The following STK35 variants were observed in gnomAD, a reference collection of about 807,000 sequenced individuals.
STK35 encodes the protein serine/threonine-protein kinase 35.
In STK35, 17 loss-of-function variants were observed where a neutral mutation model predicts 37.3. That is an observed-to-expected ratio of 0.46 (90% CI 0.31 to 0.68). The LOEUF (loss-of-function observed/expected upper bound fraction) is 0.68. Among genes scored for constraint, STK35 ranks in the 30% least tolerant of loss-of-function variants. The pLI is 0.05. For synonymous variants in STK35, 385 were observed against 319.1 expected (o/e 1.21, Z -2.20); for missense variants, 595 against 746.7 (o/e 0.80, Z 2.37).
At chr20:2,105,540 C>T (rs1985498333) in intron 2 of STK35, among the ~76,000 whole-genome samples, 1 of 152,208 alleles carries the variant, frequency 6.6e-6, no homozygotes, top group Non-Finnish European at 1.5e-5. Flanking sequence ...CCCTCTGGCT[C>T]ATCCCAGGAC....
At chr20:2,116,440 G>A (rs1192754928) in intron 2 of STK35, among the ~76,000 whole-genome samples, 1 of 152,178 alleles carries the variant, frequency 6.6e-6, no homozygotes, top group Non-Finnish European at 1.5e-5. Context: ...CCAGACGGCA[G>A]TAAACCCGAG....
chr20:2,119,960 A>C (rs763912197), intron 3 of STK35, among the ~76,000 whole-genome samples: 21 of 152,220 alleles, frequency 1.4e-4, no homozygotes, highest in Non-Finnish European at 2.6e-4. Context: ...CGTGTGTTCC[A>C]GGTGCTGGAC....
At chr20:2,112,835 T>G (rs1045094395) in intron 2 of STK35, among the ~76,000 whole-genome samples, 1 of 152,250 alleles carries the variant, frequency 6.6e-6, no homozygotes, top group Admixed American at 6.5e-5. Context: ...CTTATACAAC[T>G]GTCAGATTAT....
chr20:2,109,451 CT>C (rs1202765603), intron 2 of STK35, among the ~76,000 whole-genome samples: 2 of 152,220 alleles, frequency 1.3e-5, no homozygotes, highest in East Asian at 3.8e-4. Context: ...TTTCATACTC[CT>C]TTTCTCATTT....
At position 2,145,069 on chromosome 20, in the gene STK35, G is replaced by C. The variant is rs1256574965; in HGVS notation, c.*1323G>C. 1 of 152,462 alleles carries C rather than the reference G, an allele frequency of 6.6e-6. No individual in the cohort carries two copies. The highest frequency in any genetic ancestry group is 1.5e-5 in the Non-Finnish European group (1 of 68,214). 9.4% of individuals were successfully genotyped at this position (152,462 alleles called of 1,614,324 possible). ...GGCTCGCCACCTTCAGGCTTCCCCA[G>C]CCATGACACTTCAGCCCCGCCACCC... On this transcript the variant is annotated 3_prime_UTR_variant, in exon 4 of 4. Coordinates refer to ENST00000381482, the MANE Select transcript of STK35 (RefSeq NM_080836.4).
At chr20:2,133,332 T>C (rs962048461) in intron 3 of STK35, among the ~76,000 whole-genome samples, 1 of 152,242 alleles carries the variant, frequency 6.6e-6, no homozygotes, top group African/African-American at 2.4e-5. Context: ...CTTTCTTTGC[T>C]AATCACAGCA....
Position 2,101,968 on chromosome 20 carries a change from C to T in STK35, c.87C>T (p.Arg29=), listed in dbSNP as rs1269228387. The change falls in exon 1 of 4, where the codon CGC becomes CGT. Residue 29 remains arginine, a synonymous_variant. Coordinates refer to ENST00000381482, the MANE Select transcript of STK35 (RefSeq NM_080836.4). Reference sequence around the variant, plus strand: ...GGTTATGTAAAGGGCTCAGCTGGCGCGAACACGTGGAAAGCCACGGGAGCC... The same window carrying T: ...GGTTATGTAAAGGGCTCAGCTGGCGTGAACACGTGGAAAGCCACGGGAGCC... ...VKRLCKGLSW[R]EHVESHGSLG... is the part of the protein sequence containing the mutation. 11 of 1,523,092 alleles carry T rather than the reference C, an allele frequency of 7.2e-6. No individual in the cohort carries two copies. The East Asian group carries it at 2.2e-4, about 31-fold the overall frequency. The allele number at this position is 1,523,092 out of a possible 1,614,324, so 94.3% of individuals were successfully genotyped here.
chr20:2,105,751 C>A (rs961005651), intron 2 of STK35, among the ~76,000 whole-genome samples: 1 of 152,176 alleles, frequency 6.6e-6, no homozygotes, highest in Non-Finnish European at 1.5e-5. Context: ...ACCCTCACCC[C>A]CTTCAAGATT....
rs6035685 is a variant in STK35, at chr20:2,146,963, A to G, written c.*3217A>G. On this transcript the variant is annotated 3_prime_UTR_variant, in exon 4 of 4. Transcript: ENST00000381482. ...CCTCGTCTCGTCCCAGAGGCATTGG[A>G]TCAGGAGAATGGGAATTTTTTTCCT... 0.42 allele frequency: 63,601 copies of G among 152,482 alleles called. 15,720 individuals are homozygous for G. Among genetic ancestry groups the G allele is most frequent in the East Asian group, 0.92 (4,796 of 5,186 alleles). 9.4% of individuals were successfully genotyped at this position (152,482 alleles called of 1,614,324 possible). A position where few individuals can be genotyped will look rare whatever the true frequency, so the allele number is the denominator to read the frequency against.
intron 2 of STK35, among the ~76,000 whole-genome samples, chr20:2,110,035 A>G (rs765004553): frequency 2.6e-5 from 4 of 152,232 alleles, no homozygotes; most frequent in Non-Finnish European, 2.9e-5. Context: ...TGGTGTTGCT[A>G]TGGTACCCAG....
intron 3 of STK35, among the ~76,000 whole-genome samples, chr20:2,139,648 C>T (rs1056256263): frequency 6.6e-6 from 1 of 152,172 alleles, no homozygotes; most frequent in African/African-American, 2.4e-5. Context: ...ACCCCTACCT[C>T]TTAGGGTTGC....
At chr20:2,128,680 G>A (rs1985946824) in intron 3 of STK35, among the ~76,000 whole-genome samples, 1 of 152,184 alleles carries the variant, frequency 6.6e-6, no homozygotes, top group Non-Finnish European at 1.5e-5. Context: ...ATGTCTCAAG[G>A]TGATCTCAGG....
intron 3 of STK35, among the ~76,000 whole-genome samples, chr20:2,136,450 C>T (rs1008453326): frequency 3.9e-5 from 6 of 152,220 alleles, no homozygotes; most frequent in Non-Finnish European, 5.9e-5. Context: ...CCAGCTCTGT[C>T]CCTTACCAGC....
intron 3 of STK35, among the ~76,000 whole-genome samples, chr20:2,121,952 T>C (rs6132308): frequency 0.46 from 69,852 of 152,048 alleles, 16,921 homozygotes; most frequent in East Asian, 0.94. Context: ...CAAAGTATTT[T>C]GTCTGAAAGC....
At position 2,136,150 on chromosome 20, in the gene STK35, T is replaced by A. The variant is rs12479538; in HGVS notation, c.*38-7634T>A. Among the ~76,000 whole-genome samples, 63 of 152,270 alleles carry A rather than the reference T, an allele frequency of 4.1e-4. No individual in the cohort carries two copies. In the East Asian group the frequency reaches 4.4e-3, roughly 11 times the overall value. Reference sequence around the variant, plus strand: ...CTGCTCCAAATAGCCACACTTGGATTTCAAGGAACCCCTCCACGTGAAACA... The same window carrying A: ...CTGCTCCAAATAGCCACACTTGGATATCAAGGAACCCCTCCACGTGAAACA... On this transcript the variant is annotated intron_variant, in intron 3 of 3. Coordinates refer to ENST00000381482, the MANE Select transcript of STK35 (RefSeq NM_080836.4).
In STK35 at chr20:2,143,931, T is replaced by C; in HGVS notation, c.*185T>C. On this transcript the variant is annotated 3_prime_UTR_variant, in exon 4 of 4. Transcript: ENST00000381482. ...TTGGGTTTCCCCGCTTCTTTTTAGT[T>C]TTGCTTTATTTTTTTCCTTTTCTTT... The C allele has an allele frequency of 2.3e-6, 1 of 428,536 alleles. No homozygotes were observed. 26.5% of individuals were successfully genotyped at this position (428,536 alleles called of 1,614,324 possible).
intron 2 of STK35, among the ~76,000 whole-genome samples, chr20:2,112,586 C>T (rs955955540): frequency 1.1e-4 from 17 of 152,266 alleles, no homozygotes; most frequent in African/African-American, 4.1e-4. Flanking sequence ...CCTATCCCCC[C>T]CAGTTACTCA....
intron 3 of STK35, among the ~76,000 whole-genome samples, chr20:2,139,474 C>CT (rs1174648812): frequency 6.6e-6 from 1 of 152,086 alleles, no homozygotes; most frequent in African/African-American, 2.4e-5. Flanking sequence ...ACTTAAGACT[C>CT]TTCTTGTCTT....
intron 2 of STK35, among the ~76,000 whole-genome samples, chr20:2,105,423 A>T (rs935923924): frequency 1.3e-5 from 2 of 152,194 alleles, no homozygotes; most frequent in African/African-American, 4.8e-5. Context: ...CTCTCTCAAC[A>T]TATAAATACT....
Sources: allele counts gnomAD v4.1 joint callset (sites outside exome capture counted in the v4.1 genomes callset), GRCh38; gene constraint gnomAD v4.1.1; transcripts MANE v1.5; gene names NCBI Gene and HGNC (gene_info 2026-07-23, HGNC 2026-07-21).